The following CTPS1 variants were observed in gnomAD, a reference collection of about 807,000 sequenced individuals.
CTPS1 encodes CTP synthase 1.
CTPS1 carries 25 observed loss-of-function variants against 80.5 expected under a neutral mutation model. That is an observed-to-expected ratio of 0.31 (90% CI 0.23 to 0.43). CTPS1 has a LOEUF of 0.43. Among genes scored for constraint, CTPS1 ranks in the 20% least tolerant of loss-of-function variants. The pLI is 1.00. For missense variants in CTPS1, 442 were observed against 725.7 expected (o/e 0.61, Z 4.49); for synonymous variants, 267 against 252.5 (o/e 1.06, Z -0.54).
At chr1:40,988,354 G>T in intron 4 of CTPS1, 4 of 307,204 alleles carry the variant, frequency 1.3e-5, no homozygotes, top group East Asian at 5.6e-5. Context: ...CCTTTTTCTT[G>T]AAATGATGTG....
rs139891910 is a variant in CTPS1, at chr1:41,001,338, T to C, written c.1094+221T>C. ...TCTGATTTTGATATTGTTTGCCATA[T>C]GCATCTATTGATGAGGCTCATTTAA... On this transcript the variant is annotated intron_variant, in intron 10 of 18. Transcript: ENST00000650070. Among the ~76,000 whole-genome samples, 280 of 152,388 alleles carry C rather than the reference T, an allele frequency of 1.8e-3. 1 individual carries two copies. Among genetic ancestry groups the C allele is most frequent in the African/African-American group, 6.5e-3 (270 of 41,594 alleles).
At chr1:41,005,927 T>G in intron 12 of CTPS1, 124 bp from the exon 13 acceptor site, 1 of 766,028 alleles carries the variant, frequency 1.3e-6, no homozygotes, top group South Asian at 1.6e-5. Flanking sequence ...GGATGCTATC[T>G]TTAGTTTTTG....
Position 41,007,814 on chromosome 1 carries a change from A to T in CTPS1, c.1393+269A>T, listed in dbSNP as rs1010866204. Among the ~76,000 whole-genome samples, 6 of 152,192 alleles carry T rather than the reference A, an allele frequency of 3.9e-5. No homozygotes were observed. Among genetic ancestry groups the T allele is most frequent in the Non-Finnish European group, 8.8e-5 (6 of 68,042 alleles). On this transcript the variant is annotated intron_variant, in intron 14 of 18. Coordinates refer to ENST00000650070, the MANE Select transcript of CTPS1 (RefSeq NM_001905.4). The surrounding 1 kb of genome is among the most constrained non-coding windows in gnomAD (Gnocchi z 4.4). ...AGAATGAGGCAGTGAGGTTACATTC[A>T]TCCTTATCGGTTACTTTCCTATTAA...
intron 9 of CTPS1, among the ~76,000 whole-genome samples, chr1:41,000,221 T>C (rs1014653976): frequency 8.3e-5 from 1 of 12,048 alleles, no homozygotes; most frequent in South Asian, 5.7e-3. Context: ...ACTTATGTTT[T>C]GTTTTGTTTT....
chr1:40,993,774 C>CTTTTTTTTTTTTTTTTTTTTTTTTTT (rs71278720), intron 7 of CTPS1, among the ~76,000 whole-genome samples: 1 of 85,772 alleles, frequency 1.2e-5, no homozygotes, highest in African/African-American at 4.1e-5. Context: ...TTTCTTCTCT[C>CTTTTTTTTTTTTTTTTTTTTTTTTTT]TTTTTTTTTT....
chr1:40,995,897 A>G lies in CTPS1; in HGVS notation c.721-20A>G, dbSNP rs986372152. On this transcript the variant is annotated intron_variant, in intron 7 of 18. Coordinates refer to ENST00000650070, the MANE Select transcript of CTPS1 (RefSeq NM_001905.4). ...GGTGAGTTTTTGCTTTTATTTAATA[A>G]CTTGCTTTTTTCTAAACAGGTGATC... The G allele has an allele frequency of 6.2e-7, 1 of 1,604,136 alleles. No homozygotes were observed.
At chr1:40,996,783 C>T (rs1037169963) in intron 8 of CTPS1, among the ~76,000 whole-genome samples, 3 of 152,156 alleles carry the variant, frequency 2.0e-5, no homozygotes, top group Admixed American at 2.0e-4. Context: ...ACATTATAAG[C>T]ATTTTGCTCT....
At chr1:41,001,509 T>G (rs1642904460) in intron 10 of CTPS1, 1 of 229,432 alleles carries the variant, frequency 4.4e-6, no homozygotes, top group Non-Finnish European at 8.5e-6. Context: ...TACACCTTCT[T>G]CTGAGTGTCT....
At chr1:41,008,933 GT>G in intron 16 of CTPS1, 43 bp downstream of exon 16, 1 of 1,480,206 alleles carries the variant, frequency 6.8e-7, no homozygotes, top group Non-Finnish European at 9.4e-7. Flanking sequence ...ACTTAGTAAA[GT>G]TTTCTTGGCA....
rs773684585 is a variant in CTPS1, at chr1:41,007,544, G to C, written c.1392G>C (p.Met464Ile). The change falls in exon 14 of 19, where the codon ATG (methionine) becomes ATC (isoleucine). Residue 464 changes from methionine (M) to isoleucine (I), a missense_variant and splice_region_variant. Transcript: ENST00000650070. The surrounding 1 kb of genome is among the most constrained non-coding windows in gnomAD (Gnocchi z 4.4). ...RTLFQTKNSV[M>I]RKLYGDADYL... ...TGTTCCAGACCAAGAACTCAGTCAT[G>C]AGTAAGAGCTGCCTCACGCTGGCCC... 6.2e-7 allele frequency: 1 copy of C among 1,613,778 alleles called. No homozygotes were observed. The highest frequency in any genetic ancestry group is 1.3e-5 in the African/African-American group (1 of 75,064).
chr1:40,984,645 G>A (rs936506892), intron 2 of CTPS1, among the ~76,000 whole-genome samples, 176 bp from the exon 3 acceptor site: 2 of 152,328 alleles, frequency 1.3e-5, no homozygotes, highest in East Asian at 3.9e-4. Context: ...ACCTTTTAGA[G>A]AATAGCTGGT....
chr1:40,996,376 A>C (rs555515616), intron 8 of CTPS1, among the ~76,000 whole-genome samples: 1 of 152,100 alleles, frequency 6.6e-6, no homozygotes, highest in African/African-American at 2.4e-5. Context: ...GCAGCGGGTG[A>C]GTGTGCATAT....
chr1:40,992,562 T>C (rs1258696790), intron 7 of CTPS1, among the ~76,000 whole-genome samples: 2 of 152,184 alleles, frequency 1.3e-5, no homozygotes, highest in African/African-American at 4.8e-5. Context: ...GTGCTTAGTA[T>C]GGAAATTCTA....
intron 3 of CTPS1, among the ~76,000 whole-genome samples, 185 bp from the exon 4 acceptor site, chr1:40,987,187 T>C (rs2148391627): frequency 6.6e-6 from 1 of 152,330 alleles, no homozygotes; most frequent in Admixed American, 6.5e-5. Context: ...GACATCTGGC[T>C]GCAGGAAGTG....
At position 40,983,288 on chromosome 1, in the gene CTPS1, A is replaced by G. The variant is rs1399758580; in HGVS notation, c.-3A>G. The stretch of plus-strand genomic sequence containing the variant: ...TTTTCCTTCTTCCAGGTCAAAGAGT[A>G]AAATGAAGTACATTCTGGTTACTGG... On this transcript the variant is annotated 5_prime_UTR_variant, in exon 2 of 19. Transcript: ENST00000650070. 1.2e-6 allele frequency: 2 copies of G among 1,611,862 alleles called. No individual in the cohort carries two copies. The highest frequency in any genetic ancestry group is 1.7e-6 in the Non-Finnish European group (2 of 1,178,740).
intron 4 of CTPS1, among the ~76,000 whole-genome samples, chr1:40,988,019 TCTC>T (rs1178638411): frequency 6.6e-6 from 1 of 152,108 alleles, no homozygotes; most frequent in Non-Finnish European, 1.5e-5. Flanking sequence ...CTCAAGCAGT[TCTC>T]CTACCTTAGC....
At chr1:40,995,344 G>A (rs1042952375) in intron 7 of CTPS1, among the ~76,000 whole-genome samples, 16 of 148,930 alleles carry the variant, frequency 1.1e-4, no homozygotes, top group Non-Finnish European at 2.2e-4. Context: ...TCAGCCTCCC[G>A]AGTAGCTGGG....
At chr1:40,991,943 A>G in intron 7 of CTPS1, 98 bp downstream of exon 7, 1 of 916,538 alleles carries the variant, frequency 1.1e-6, no homozygotes, top group East Asian at 2.6e-5. Context: ...TTCTAATTAG[A>G]GATAGTGGGC....
intron 7 of CTPS1, among the ~76,000 whole-genome samples, chr1:40,992,068 G>A (rs1359982414): frequency 6.6e-6 from 1 of 152,062 alleles, no homozygotes; most frequent in African/African-American, 2.4e-5. Context: ...TGCTTCAGCC[G>A]GGTGGAGTAT....
Sources: allele counts gnomAD v4.1 joint callset (sites outside exome capture counted in the v4.1 genomes callset), GRCh38; gene constraint gnomAD v4.1.1; non-coding constraint Gnocchi (gnomAD v3.1); transcripts MANE v1.5; gene names NCBI Gene and HGNC (gene_info 2026-07-23, HGNC 2026-07-21).